CADPS: variants seen among roughly 807,000 people sequenced by gnomAD.
CADPS encodes calcium dependent secretion activator.
A neutral mutation model predicts 167.3 loss-of-function variants in CADPS; 57 were observed. The observed-to-expected ratio is 0.34, with a 90% CI of 0.28 to 0.42. The LOEUF (loss-of-function observed/expected upper bound fraction) is 0.42, where lower values mean the gene tolerates loss of function less well. Among genes scored for constraint, CADPS ranks in the 20% least tolerant of loss-of-function variants. The pLI is 1.00. For missense variants in CADPS, 1,414 were observed against 1,738.1 expected, an observed-to-expected ratio of 0.81 and a Z score of 3.32; for synonymous variants, 676 against 635.3, an observed-to-expected ratio of 1.06 and a Z score of -0.96.
chr3:62,594,312 C>G (rs1197671164), intron 6 of CADPS, among the ~76,000 whole-genome samples: 2 of 151,240 alleles, frequency 1.3e-5, no homozygotes, highest in Non-Finnish European at 1.5e-5. Flanking sequence ...CAGGCGCCCG[C>G]CACTATGCCC....
At position 62,491,342 on chromosome 3, in the gene CADPS, A is replaced by G. The variant is rs778482031; in HGVS notation, c.3023T>C (p.Val1008Ala). Reference sequence around the variant, plus strand: ...GTATCAAAAAAGGTTTCCTTACTTGACTGGTTCCCATGACTCCCGCTCAAA... The same window carrying G: ...GTATCAAAAAAGGTTTCCTTACTTGGCTGGTTCCCATGACTCCCGCTCAAA... ...RGFERESWEP[V>A]KSLTSNLPNV... Residue 1008 changes from valine (V) to alanine (A), a missense_variant, in exon 21 of 30, where the codon GTC (valine) becomes GCC (alanine). Transcript: ENST00000383710. 6.8e-6 allele frequency: 11 copies of G among 1,613,750 alleles called. No homozygotes were observed. The highest frequency in any genetic ancestry group is 9.3e-6 in the Non-Finnish European group (11 of 1,179,882).
At chr3:62,579,192 AG>A (rs1294935471) in intron 8 of CADPS, among the ~76,000 whole-genome samples, 2 of 152,224 alleles carry the variant, frequency 1.3e-5, no homozygotes, top group African/African-American at 4.8e-5. Context: ...GTCAAGCTTC[AG>A]GTCCTCAGTT....
intron 3 of CADPS, among the ~76,000 whole-genome samples, chr3:62,708,632 T>A (rs141614577): frequency 2.0e-4 from 30 of 151,980 alleles, no homozygotes; most frequent in Non-Finnish European, 2.8e-4. Flanking sequence ...ATGGGCTGAG[T>A]TGGGGAATGT....
At chr3:62,574,939 G>A (rs2081996037) in intron 8 of CADPS, among the ~76,000 whole-genome samples, 1 of 152,152 alleles carries the variant, frequency 6.6e-6, no homozygotes, top group African/African-American at 2.4e-5. Flanking sequence ...TATGTGAAAG[G>A]AAATCTTGGA....
chr3:62,863,526 G>T (rs939022764), intron 1 of CADPS, among the ~76,000 whole-genome samples: 3 of 152,264 alleles, frequency 2.0e-5, no homozygotes, highest in South Asian at 2.1e-4. Context: ...TTTTCAAGCA[G>T]GAGTGCAATG....
intron 9 of CADPS, among the ~76,000 whole-genome samples, chr3:62,557,850 G>T (rs1040680683): frequency 1.3e-5 from 2 of 152,120 alleles, no homozygotes; most frequent in Admixed American, 6.5e-5. Flanking sequence ...AATATAATTG[G>T]GTTAAGCTAC....
At chr3:62,560,042 C>T (rs1360314230) in intron 9 of CADPS, among the ~76,000 whole-genome samples, 2 of 149,424 alleles carry the variant, frequency 1.3e-5, no homozygotes, top group African/African-American at 2.5e-5. Flanking sequence ...CTGATGCCCT[C>T]TTCTGGTTAT....
chr3:62,489,114 T>G (rs981130436), intron 21 of CADPS, among the ~76,000 whole-genome samples: 1 of 152,110 alleles, frequency 6.6e-6, no homozygotes, highest in Non-Finnish European at 1.5e-5. Flanking sequence ...CTGATGGTAT[T>G]AAGAATATTT....
chr3:62,449,855 A>G (rs2057783996), intron 26 of CADPS, among the ~76,000 whole-genome samples: 1 of 152,048 alleles, frequency 6.6e-6, no homozygotes, highest in South Asian at 2.1e-4. Context: ...TTAAATCTAG[A>G]GAAGTGGCTT....
intron 13 of CADPS, 61 bp downstream of exon 13, chr3:62,532,810 A>T: frequency 6.6e-7 from 1 of 1,525,944 alleles, no homozygotes; most frequent in Non-Finnish European, 9.0e-7. Context: ...AAGACTAGCC[A>T]TAAACCATTG....
chr3:62,597,101 C>T (rs2059042406), intron 6 of CADPS, among the ~76,000 whole-genome samples: 1 of 152,146 alleles, frequency 6.6e-6, no homozygotes, highest in Admixed American at 6.5e-5. Context: ...CTCCTGTAAT[C>T]CTAGTGCTTT....
intron 1 of CADPS, among the ~76,000 whole-genome samples, chr3:62,792,995 AG>A (rs1324908690): frequency 6.6e-6 from 1 of 152,204 alleles, no homozygotes; most frequent in Non-Finnish European, 1.5e-5. Context: ...GCCACCTAGC[AG>A]CACATTTTAA....
chr3:62,857,624 A>G (rs2079962388), intron 1 of CADPS, among the ~76,000 whole-genome samples: 1 of 152,076 alleles, frequency 6.6e-6, no homozygotes, highest in Admixed American at 6.6e-5. Flanking sequence ...GCAAAGCAAT[A>G]TATGTAGAAA....
intron 3 of CADPS, among the ~76,000 whole-genome samples, chr3:62,668,374 G>T (rs1243102364): frequency 6.6e-6 from 1 of 152,042 alleles, no homozygotes. Context: ...AGCCTTGTCG[G>T]GCACCACATC....
intron 28 of CADPS, among the ~76,000 whole-genome samples, chr3:62,437,659 G>T (rs755928302): frequency 2.6e-5 from 4 of 152,176 alleles, no homozygotes; most frequent in Non-Finnish European, 5.9e-5. Flanking sequence ...TGATAACGAT[G>T]CGACATTTAC....
intron 10 of CADPS, among the ~76,000 whole-genome samples, chr3:62,553,380 C>T (rs1006430768): frequency 6.6e-6 from 1 of 152,096 alleles, no homozygotes; most frequent in African/African-American, 2.4e-5. Context: ...TACTATTATT[C>T]CATTTTACAG....
chr3:62,456,129 A>G (rs2058660012), intron 26 of CADPS, among the ~76,000 whole-genome samples: 1 of 152,078 alleles, frequency 6.6e-6, no homozygotes, highest in African/African-American at 2.4e-5. Context: ...TGTGCAAGTC[A>G]TTTTCCTTCT....
chr3:62,422,881 TG>T (rs781287914), intron 28 of CADPS, among the ~76,000 whole-genome samples: 44 of 152,340 alleles, frequency 2.9e-4, no homozygotes, highest in Non-Finnish European at 5.6e-4. Context: ...ATAATACCAC[TG>T]TGTCAAGCTT....
At chr3:62,554,081 A>G (rs1180467327) in intron 10 of CADPS, among the ~76,000 whole-genome samples, 1 of 152,240 alleles carries the variant, frequency 6.6e-6, no homozygotes, top group Admixed American at 6.5e-5. Context: ...TATGAGTCGT[A>G]TAAGAATAAT....
Sources: gnomAD v4.1 joint callset for allele counts (sites outside exome capture counted in the v4.1 genomes callset) on GRCh38, gnomAD v4.1.1 for gene constraint, MANE v1.5 for transcripts, NCBI Gene and HGNC (gene_info 2026-07-23, HGNC 2026-07-21) for gene names.